Variants in PTPRG observed in about 807,000 individuals in gnomAD.
PTPRG encodes the protein receptor-type tyrosine-protein phosphatase gamma.
PTPRG carries 102 observed loss-of-function variants against 165.3 expected under a neutral mutation model. The observed-to-expected ratio is 0.62, with a 90% confidence interval of 0.53 to 0.73. PTPRG has a LOEUF of 0.73. Ranked by LOEUF, PTPRG falls within the 30% of genes least tolerant of loss-of-function variation. PTPRG has a pLI of 0.00. For missense variants in PTPRG, 1,866 were observed against 1,861.4 expected, an observed-to-expected ratio of 1.00 and a Z score of -0.05; for synonymous variants, 675 against 669.5, an observed-to-expected ratio of 1.01 and a Z score of -0.13.
intron 1 of PTPRG, among the ~76,000 whole-genome samples, chr3:61,696,251 T>A (rs1054370735): frequency 6.6e-6 from 1 of 152,164 alleles, no homozygotes; most frequent in Admixed American, 6.5e-5. Context: ...CCTATAATCC[T>A]AGCACTGTGA....
chr3:61,691,436 T>G (rs973111181), intron 1 of PTPRG, among the ~76,000 whole-genome samples: 1 of 152,142 alleles, frequency 6.6e-6, no homozygotes, highest in Non-Finnish European at 1.5e-5. Flanking sequence ...TGCAGAACAA[T>G]GTGCAAAATG....
intron 5 of PTPRG, among the ~76,000 whole-genome samples, chr3:62,125,821 T>C (rs1036384833): frequency 6.6e-6 from 1 of 152,106 alleles, no homozygotes; most frequent in African/African-American, 2.4e-5. Context: ...AGCCTGCACT[T>C]TGAGAAGATT....
chr3:61,983,749 CAG>C (rs1258182907), intron 2 of PTPRG, among the ~76,000 whole-genome samples: 2 of 152,030 alleles, frequency 1.3e-5, no homozygotes, highest in Non-Finnish European at 2.9e-5. Flanking sequence ...CAGTTATTAA[CAG>C]AGAACTATAC....
At chr3:61,745,437 C>T (rs752239525) in intron 1 of PTPRG, among the ~76,000 whole-genome samples, 11 of 152,148 alleles carry the variant, frequency 7.2e-5, no homozygotes, top group Non-Finnish European at 1.5e-4. Context: ...TATGCCTGTG[C>T]CCTATTTCCA....
At chr3:62,125,177 C>T (rs1226288894) in intron 5 of PTPRG, among the ~76,000 whole-genome samples, 1 of 152,106 alleles carries the variant, frequency 6.6e-6, no homozygotes, top group Admixed American at 6.5e-5. Flanking sequence ...CATATGATAC[C>T]TACATGATAT....
chr3:62,029,662 C>T (rs879809903), intron 4 of PTPRG, among the ~76,000 whole-genome samples: 1 of 152,164 alleles, frequency 6.6e-6, no homozygotes, highest in Non-Finnish European at 1.5e-5. Context: ...CTCTTTTATT[C>T]CAGCCAGTCA....
chr3:62,216,938 G>A (rs998118031), intron 12 of PTPRG, among the ~76,000 whole-genome samples: 5 of 152,294 alleles, frequency 3.3e-5, no homozygotes, highest in Non-Finnish European at 7.3e-5. Context: ...TCGTTGGGGA[G>A]CTCATGGAGA....
At chr3:61,746,056 T>C (rs1477514632) in intron 1 of PTPRG, among the ~76,000 whole-genome samples, 2 of 149,830 alleles carry the variant, frequency 1.3e-5, no homozygotes, top group Admixed American at 6.6e-5. Context: ...TTTTCTTTTT[T>C]TTTTTTTTTT....
At chr3:62,129,407 C>A (rs1003165917) in intron 5 of PTPRG, among the ~76,000 whole-genome samples, 4 of 152,136 alleles carry the variant, frequency 2.6e-5, no homozygotes, top group African/African-American at 7.2e-5. Context: ...GAATGCCACA[C>A]TGGGTAATTT....
At chr3:62,211,165 C>G (rs2106863201) in intron 12 of PTPRG, among the ~76,000 whole-genome samples, 1 of 152,346 alleles carries the variant, frequency 6.6e-6, no homozygotes, top group East Asian at 1.9e-4. Flanking sequence ...AATGAAATAA[C>G]TGTTTAGCCT....
chr3:61,688,913 A>G (rs188939226), intron 1 of PTPRG, among the ~76,000 whole-genome samples: 60 of 152,256 alleles, frequency 3.9e-4, no homozygotes, highest in Admixed American at 1.7e-3. Flanking sequence ...CTGCTTCTCA[A>G]TGCATCAGGG....
At chr3:61,566,400 G>T (rs1180936209) in intron 1 of PTPRG, among the ~76,000 whole-genome samples, 2 of 152,272 alleles carry the variant, frequency 1.3e-5, no homozygotes, top group Admixed American at 1.3e-4. Context: ...ACACCTGTGT[G>T]CTGATTGAAA....
intron 2 of PTPRG, among the ~76,000 whole-genome samples, chr3:61,951,795 A>G (rs964256415): frequency 2.6e-5 from 4 of 152,176 alleles, no homozygotes; most frequent in Admixed American, 6.5e-5. Context: ...TCTGACTGGT[A>G]TTAGCAAGTA....
chr3:62,235,619 C>T (rs1358360107), intron 14 of PTPRG, among the ~76,000 whole-genome samples: 1 of 152,146 alleles, frequency 6.6e-6, no homozygotes, highest in East Asian at 1.9e-4. Flanking sequence ...CATTTTCTCC[C>T]ACCTTCCTAA....
At chr3:62,119,513 A>G (rs955512319) in intron 5 of PTPRG, among the ~76,000 whole-genome samples, 5 of 152,336 alleles carry the variant, frequency 3.3e-5, no homozygotes, top group South Asian at 2.1e-4. Flanking sequence ...GGAGTCCTGT[A>G]GGGAACCATG....
Position 61,676,456 on chromosome 3 carries a change from CAAA to C in PTPRG, c.86-72406_86-72404del, listed in dbSNP as rs71629138. ...TGGGCGACAGAGCCAGACTCCATCT[CAAA>C]AAAAAAAAAAAAAAAGAAAATTACT... On this transcript the variant is annotated intron_variant, in intron 1 of 29. Transcript: ENST00000474889. Among the ~76,000 whole-genome samples the C allele has an allele frequency of 2.7e-4, 6 of 21,878 alleles. 1 individual carries two copies. The highest frequency in any genetic ancestry group is 7.2e-4 in the Admixed American group (1 of 1,388). 14.4% of individuals were successfully genotyped at this position (21,878 alleles called of 152,430 possible).
At chr3:62,018,306 A>G (rs2041599464) in intron 4 of PTPRG, among the ~76,000 whole-genome samples, 1 of 152,156 alleles carries the variant, frequency 6.6e-6, no homozygotes, top group Non-Finnish European at 1.5e-5. Flanking sequence ...AAAAATAAAA[A>G]CCTTCAGCTG....
In PTPRG at chr3:61,562,090, G is replaced by A. The variant is rs1232356073; in HGVS notation, c.-198G>A. The A allele has an allele frequency of 1.7e-5, 10 of 585,622 alleles. No homozygotes were observed. Among genetic ancestry groups the A allele is most frequent in the South Asian group, 1.7e-4 (8 of 47,814 alleles). 36.3% of individuals were successfully genotyped at this position (585,622 alleles called of 1,614,324 possible). ...GTCCCCAGCGTGGCTCTGCGTTCCC[G>A]GTCACTTTTTGAGATTTTCCGGGGG... On this transcript the variant is annotated 5_prime_UTR_variant, in exon 1 of 30. Transcript: ENST00000474889.
At chr3:62,083,658 C>T (rs1252560653) in intron 5 of PTPRG, among the ~76,000 whole-genome samples, 1 of 152,122 alleles carries the variant, frequency 6.6e-6, no homozygotes, top group African/African-American at 2.4e-5. Flanking sequence ...AAAGAGTACC[C>T]AATACTTACA....
Sources: allele counts gnomAD v4.1 joint callset (sites outside exome capture counted in the v4.1 genomes callset), GRCh38; gene constraint gnomAD v4.1.1; transcripts MANE v1.5; gene names NCBI Gene and HGNC (gene_info 2026-07-23, HGNC 2026-07-21).